The following IMMP2L variants were observed in gnomAD, a reference collection of about 807,000 sequenced individuals.
IMMP2L encodes the protein mitochondrial inner membrane protease subunit 2.
Under a neutral mutation model 19.3 loss-of-function variants are expected in IMMP2L, and 18 were observed. The ratio of observed to expected loss-of-function variants is 0.93; its 90% CI spans 0.64 to 1.38. The LOEUF is 1.38. Among genes scored for constraint, IMMP2L ranks in the 40% most tolerant of loss-of-function variants. IMMP2L has a pLI of 0.00. For missense variants in IMMP2L, 233 were observed against 218.2 expected, an observed-to-expected ratio of 1.07 and a Z score of -0.43; for synonymous variants, 76 against 73.0, an observed-to-expected ratio of 1.04 and a Z score of -0.21.
chr7:110,679,576 A>G (rs1792557248), intron 5 of IMMP2L, among the ~76,000 whole-genome samples: 1 of 152,094 alleles, frequency 6.6e-6, no homozygotes, highest in African/African-American at 2.4e-5. Context: ...GACAGACTAG[A>G]TTGCCATTGG....
chr7:111,249,329 CCT>C (rs1815774286), intron 3 of IMMP2L, among the ~76,000 whole-genome samples: 1 of 140,700 alleles, frequency 7.1e-6, no homozygotes, highest in African/African-American at 2.7e-5. Flanking sequence ...AAGGGAACTC[CCT>C]GACCCCTTGC....
intron 3 of IMMP2L, among the ~76,000 whole-genome samples, chr7:111,145,320 A>G (rs1213092233): frequency 6.6e-6 from 1 of 152,086 alleles, no homozygotes; most frequent in East Asian, 1.9e-4. Context: ...CAGAAGCAGG[A>G]AGGAGACTTA....
chr7:111,135,971 A>T (rs543204838), intron 3 of IMMP2L, among the ~76,000 whole-genome samples: 1 of 152,184 alleles, frequency 6.6e-6, no homozygotes, highest in East Asian at 1.9e-4. Flanking sequence ...CAATGATGTG[A>T]CTGACAGACA....
chr7:111,518,017 T>A (rs1846016075), intron 2 of IMMP2L, among the ~76,000 whole-genome samples: 1 of 152,118 alleles, frequency 6.6e-6, no homozygotes, highest in African/African-American at 2.4e-5. Flanking sequence ...CCATTGAATT[T>A]ACCAATGCAT....
intron 2 of IMMP2L, 23 bp downstream of exon 2, chr7:111,521,290 G>A (rs762583764): frequency 1.7e-5 from 27 of 1,603,764 alleles, no homozygotes; most frequent in Non-Finnish European, 2.1e-5. Context: ...GTGCTTTAAA[G>A]AACGAAGTTA....
intron 4 of IMMP2L, among the ~76,000 whole-genome samples, 200 bp downstream of exon 4, chr7:110,963,300 A>C (rs1184141743): frequency 1.3e-5 from 2 of 152,006 alleles, no homozygotes; most frequent in Admixed American, 1.3e-4. Flanking sequence ...ACAATTAAAG[A>C]ATAACAATAT....
At chr7:111,153,737 A>G (rs1275990040) in intron 3 of IMMP2L, among the ~76,000 whole-genome samples, 2 of 152,080 alleles carry the variant, frequency 1.3e-5, no homozygotes, top group Admixed American at 1.3e-4. Flanking sequence ...TCTTTATGGT[A>G]GTAGTACAAT....
chr7:111,462,888 A>C (rs1840266985), intron 3 of IMMP2L, among the ~76,000 whole-genome samples: 1 of 152,156 alleles, frequency 6.6e-6, no homozygotes, highest in African/African-American at 2.4e-5. Context: ...TTAAAAAGAA[A>C]CTGAAAACAA....
At chr7:110,714,661 A>T (rs1584586451) in intron 5 of IMMP2L, among the ~76,000 whole-genome samples, 1 of 152,024 alleles carries the variant, frequency 6.6e-6, no homozygotes, top group East Asian at 1.9e-4. Flanking sequence ...CAGTGGTGCG[A>T]TCTCGGCTCA....
At chr7:111,556,040 A>ATATATATATATATATATATATATATG (rs1264908580) in intron 1 of IMMP2L, among the ~76,000 whole-genome samples, 3 of 139,356 alleles carry the variant, frequency 2.2e-5, no homozygotes, top group Non-Finnish European at 4.7e-5. Context: ...ATATATACAT[A>ATATATATATATATATATATATATATG]CCCAAAGAAA....
chr7:110,774,373 A>G (rs1016309357), intron 5 of IMMP2L, among the ~76,000 whole-genome samples: 13 of 152,116 alleles, frequency 8.5e-5, no homozygotes, highest in Non-Finnish European at 1.9e-4. Context: ...TACTAAGTGA[A>G]TAACTCCAGC....
At chr7:111,384,535 T>C (rs1831545373) in intron 3 of IMMP2L, among the ~76,000 whole-genome samples, 1 of 152,060 alleles carries the variant, frequency 6.6e-6, no homozygotes, top group Non-Finnish European at 1.5e-5. Flanking sequence ...CTTGCTGCAC[T>C]CTATCAGCAC....
chr7:111,558,833 T>C (rs774754149), intron 1 of IMMP2L, among the ~76,000 whole-genome samples: 1 of 152,192 alleles, frequency 6.6e-6, no homozygotes, highest in Non-Finnish European at 1.5e-5. Flanking sequence ...TATTTATTCC[T>C]ATAAGTACAT....
intron 5 of IMMP2L, among the ~76,000 whole-genome samples, chr7:110,702,743 T>A (rs1353249473): frequency 6.6e-6 from 1 of 152,134 alleles, no homozygotes; most frequent in African/African-American, 2.4e-5. Context: ...AACAAATTAA[T>A]TTTTTTGTAT....
chr7:110,890,415 A>G (rs1178481941), intron 4 of IMMP2L, among the ~76,000 whole-genome samples: 1 of 152,188 alleles, frequency 6.6e-6, no homozygotes, highest in African/African-American at 2.4e-5. Flanking sequence ...AATTCACGCT[A>G]TATCCTAGTG....
intron 4 of IMMP2L, among the ~76,000 whole-genome samples, chr7:110,949,077 C>T (rs62464031): frequency 0.076 from 11,618 of 152,180 alleles, 603 homozygotes; most frequent in East Asian, 0.14. Flanking sequence ...TGAGACATTT[C>T]GGCTTAGACT....
chr7:110,980,333 T>C (rs2129557915), intron 3 of IMMP2L, among the ~76,000 whole-genome samples: 1 of 148,126 alleles, frequency 6.8e-6, no homozygotes, highest in East Asian at 2.0e-4. Context: ...GTTCACGCCA[T>C]TCTCCTGCCT....
chr7:110,889,503 G>A (rs1289536670), intron 4 of IMMP2L, among the ~76,000 whole-genome samples: 2 of 152,136 alleles, frequency 1.3e-5, no homozygotes, highest in Admixed American at 6.5e-5. Flanking sequence ...TTGGCACGAG[G>A]CGGGGCTCAG....
At chr7:111,267,559 G>A (rs1817962828) in intron 3 of IMMP2L, among the ~76,000 whole-genome samples, 1 of 152,032 alleles carries the variant, frequency 6.6e-6, no homozygotes, top group African/African-American at 2.4e-5. Context: ...TGCCCTAAGA[G>A]GCCAGAAGCT....
Sources: gnomAD v4.1 joint callset for allele counts (sites outside exome capture counted in the v4.1 genomes callset) on GRCh38, gnomAD v4.1.1 for gene constraint, MANE v1.5 for transcripts, NCBI Gene and HGNC (gene_info 2026-07-23, HGNC 2026-07-21) for gene names.